The following FUT8 variants were observed in gnomAD, a reference collection of about 807,000 sequenced individuals.
The protein encoded by FUT8 is fucosyltransferase 8.
Under a neutral mutation model 71.3 loss-of-function variants are expected in FUT8, and 29 were observed. The ratio of observed to expected loss-of-function variants is 0.41; its 90% CI spans 0.30 to 0.55. The LOEUF (loss-of-function observed/expected upper bound fraction) is 0.55. Ranked by LOEUF, FUT8 falls within the 20% of genes least tolerant of loss-of-function variation. The probability of loss-of-function intolerance (pLI) is 0.34; values close to 1 mark genes in which losing one functional copy is unlikely to be tolerated. For synonymous variants in FUT8, 254 were observed against 239.3 expected, an observed-to-expected ratio of 1.06 and a Z score of -0.57; for missense variants, 544 against 702.1, an observed-to-expected ratio of 0.77 and a Z score of 2.55.
chr14:65,567,065 C>T (rs1886234826), intron 3 of FUT8, among the ~76,000 whole-genome samples: 1 of 151,952 alleles, frequency 6.6e-6, no homozygotes, highest in Admixed American at 6.6e-5. Flanking sequence ...GCTTAATTGA[C>T]AACTTTCCTT....
intron 7 of FUT8, among the ~76,000 whole-genome samples, chr14:65,677,169 C>T (rs61987762): frequency 2.2e-4 from 24 of 108,580 alleles, no homozygotes; most frequent in Admixed American, 1.2e-3. Context: ...CGCATGCGCG[C>T]GCACGTATGT....
chr14:65,546,523 G>GTT (rs1359854938), intron 2 of FUT8, among the ~76,000 whole-genome samples: 5 of 151,616 alleles, frequency 3.3e-5, no homozygotes, highest in Non-Finnish European at 7.4e-5. Flanking sequence ...CTGATGAACA[G>GTT]TTTTCCATTG....
the FUT8 span, among the ~76,000 whole-genome samples, chr14:65,402,614 C>T: frequency 2.7e-4 from 41 of 152,096 alleles, no homozygotes; most frequent in Admixed American, 1.2e-3. Context: ...TGCAGTGAGC[C>T]GAGATCGCGC....
chr14:65,607,066 G>A lies in FUT8; in HGVS notation c.204-8912G>A, dbSNP rs1046915104. ...ACTTTAATTTCTGTACATTGATATT[G>A]TATATAGTGATGTCCCTGAACTTTA... On this transcript the variant is annotated intron_variant, in intron 3 of 10. Coordinates refer to ENST00000673929, the MANE Select transcript of FUT8 (RefSeq NM_001371533.1). This position sits in a 1 kb window ranked among gnomAD's most constrained non-coding sequence, Gnocchi z 4.1. 6.6e-6 allele frequency among the ~76,000 whole-genome samples: 1 copy of A among 151,890 alleles called. No individual in the cohort carries two copies. Among genetic ancestry groups the A allele is most frequent in the Non-Finnish European group, 1.5e-5 (1 of 67,878 alleles).
At chr14:65,373,225 G>A in the FUT8 span, among the ~76,000 whole-genome samples, 2 of 151,528 alleles carry the variant, frequency 1.3e-5, no homozygotes, top group African/African-American at 2.4e-5. Context: ...CCTGGCGAGG[G>A]CTCCACCCTC....
chr14:65,389,442 G>C, the FUT8 span, among the ~76,000 whole-genome samples: 3 of 151,542 alleles, frequency 2.0e-5, no homozygotes, highest in African/African-American at 7.3e-5. Flanking sequence ...CTCCCAAGTA[G>C]CTGGGATTAC....
chr14:65,617,118 G>A (rs1253723944), intron 5 of FUT8: 1 of 1,597,922 alleles, frequency 6.3e-7, no homozygotes, highest in African/African-American at 1.4e-5. Context: ...TGTCTCATTA[G>A]TGAACAATAA....
At chr14:65,606,200 G>A (rs1888578818) in intron 3 of FUT8, among the ~76,000 whole-genome samples, 1 of 150,136 alleles carries the variant, frequency 6.7e-6, no homozygotes. Flanking sequence ...AGCCTCCCGA[G>A]TAGTTGGGAC....
At chr14:65,385,821 C>T in the FUT8 span, among the ~76,000 whole-genome samples, 5 of 152,106 alleles carry the variant, frequency 3.3e-5, no homozygotes, top group African/African-American at 7.2e-5. Context: ...GGATTACAGG[C>T]GTGAGCCACG....
Position 65,457,723 on chromosome 14 carries a change from G to C in FUT8, c.-228+2005G>C, listed in dbSNP as rs979575334. On this transcript the variant is annotated intron_variant, in intron 2 of 10. Coordinates refer to ENST00000673929, the MANE Select transcript of FUT8 (RefSeq NM_001371533.1). ...GGTGGTCAGAGTGAAACAGAACAGA[G>C]CAGGGAGTTTCACAATACAGTGCCT... 3.9e-5 allele frequency among the ~76,000 whole-genome samples: 6 copies of C among 152,170 alleles called. No individual in the cohort carries two copies. In the East Asian group the frequency reaches 1.2e-3, roughly 29 times the overall value.
chr14:65,720,810 C>A (rs1024929524), intron 7 of FUT8, among the ~76,000 whole-genome samples: 3 of 152,192 alleles, frequency 2.0e-5, no homozygotes, highest in African/African-American at 7.2e-5. Context: ...TGGACATTTC[C>A]CCTCTGGCTA....
chr14:65,403,990 C>A, the FUT8 span, among the ~76,000 whole-genome samples: 12 of 149,860 alleles, frequency 8.0e-5, no homozygotes, highest in African/African-American at 2.5e-4. Context: ...CTCCACCTCC[C>A]GGGTTCAAGT....
intron 2 of FUT8, chr14:65,516,534 T>C (rs189018955): frequency 6.6e-6 from 1 of 152,112 alleles, no homozygotes; most frequent in Admixed American, 6.6e-5. Context: ...ATTTTTCAAG[T>C]TTTTTTGGTA....
At chr14:65,370,409 C>T in the FUT8 span, among the ~76,000 whole-genome samples, 6 of 151,378 alleles carry the variant, frequency 4.0e-5, no homozygotes, top group Admixed American at 6.6e-5. Context: ...GGGGTTTCAC[C>T]GTGTCAGCCA....
the FUT8 span, among the ~76,000 whole-genome samples, chr14:65,361,009 T>G: frequency 1.3e-5 from 2 of 152,124 alleles, no homozygotes; most frequent in Non-Finnish European, 2.9e-5. Context: ...TTTGGAAACT[T>G]TCAAGGTGCT....
rs561118700 is a variant in FUT8 at position 65,692,764 on chromosome 14, G to A, written c.835+23284G>A. ...CACTTCTCAGACGGGGTGGTTGCCG[G>A]GCAGAGGGTCTCCTCACTTCTCAGA... On this transcript the variant is annotated intron_variant, in intron 7 of 10. Transcript: ENST00000673929. Among the ~76,000 whole-genome samples the A allele has an allele frequency of 1.5e-3, 234 of 151,014 alleles. 2 individuals are homozygous for A. The highest frequency in any genetic ancestry group is 5.2e-3 in the African/African-American group (215 of 41,094).
At chr14:65,604,089 C>T (rs998286827) in intron 3 of FUT8, among the ~76,000 whole-genome samples, 3 of 151,514 alleles carry the variant, frequency 2.0e-5, no homozygotes, top group East Asian at 1.9e-4. Flanking sequence ...CTAACACTAG[C>T]GCTCCCAAAT....
chr14:65,387,022 A>G, the FUT8 span, among the ~76,000 whole-genome samples: 1 of 151,952 alleles, frequency 6.6e-6, no homozygotes, highest in Non-Finnish European at 1.5e-5. Flanking sequence ...TTGTATTTTT[A>G]GTAGAGACAG....
intron 3 of FUT8, among the ~76,000 whole-genome samples, chr14:65,594,417 C>T (rs191393333): frequency 6.3e-4 from 96 of 152,224 alleles, no homozygotes; most frequent in African/African-American, 2.2e-3. Flanking sequence ...TTCTACGACC[C>T]CAAGGCCCCA....
Sources: gnomAD v4.1 joint callset for allele counts (sites outside exome capture counted in the v4.1 genomes callset) on GRCh38, gnomAD v4.1.1 for gene constraint, Gnocchi (gnomAD v3.1) non-coding constraint, MANE v1.5 for transcripts, NCBI Gene and HGNC (gene_info 2026-07-23, HGNC 2026-07-21) for gene names.